The following STX8 variants were observed in gnomAD, a reference collection of about 807,000 sequenced individuals.
STX8 encodes syntaxin 8.
STX8 carries 23 observed loss-of-function variants against 37.5 expected under a neutral mutation model. The observed-to-expected ratio is 0.61, with a 90% CI of 0.44 to 0.87. STX8 has a LOEUF of 0.87. STX8 is among the 40% of genes least tolerant of loss of function. The pLI, the probability that STX8 is intolerant of heterozygous loss-of-function variation, is 0.00. For missense variants in STX8, 313 were observed against 284.7 expected (o/e 1.10, Z -0.71); for synonymous variants, 115 against 99.1 (o/e 1.16, Z -0.95).
chr17:9,483,942 G>A (rs1906462309), intron 6 of STX8, among the ~76,000 whole-genome samples: 1 of 152,094 alleles, frequency 6.6e-6, no homozygotes, highest in East Asian at 1.9e-4. Context: ...AGATATCTCC[G>A]TATGTCTGCC....
At chr17:9,282,413 C>T (rs1333490543) in intron 7 of STX8, among the ~76,000 whole-genome samples, 1 of 152,202 alleles carries the variant, frequency 6.6e-6, no homozygotes, top group African/African-American at 2.4e-5. Context: ...GGATTACAGG[C>T]GTGAGCCACT....
In STX8 at chr17:9,395,474, A is replaced by G. The variant is rs1597645202; in HGVS notation, c.542-16821T>C. ...GCACCTGTAATCCCATCTACTTGGGAGCCTGAGGCAAGAGAATCGCTTGAA... is the reference window on the plus strand; with the variant it reads ...GCACCTGTAATCCCATCTACTTGGGGGCCTGAGGCAAGAGAATCGCTTGAA... On this transcript the variant is annotated intron_variant, in intron 6 of 7. Transcript: ENST00000306357. 2.6e-5 allele frequency among the ~76,000 whole-genome samples: 4 copies of G among 152,138 alleles called. No homozygotes were observed. The East Asian group carries it at 7.7e-4, about 29-fold the overall frequency.
intron 7 of STX8, among the ~76,000 whole-genome samples, chr17:9,320,710 T>C (rs1909546077): frequency 1.3e-5 from 2 of 150,884 alleles, no homozygotes; most frequent in Non-Finnish European, 2.9e-5. Flanking sequence ...CTGGCTAACA[T>C]GGTGAAACCT....
intron 6 of STX8, among the ~76,000 whole-genome samples, chr17:9,465,716 A>T (rs918172062): frequency 6.6e-6 from 1 of 152,182 alleles, no homozygotes; most frequent in Non-Finnish European, 1.5e-5. Context: ...AACAACGACG[A>T]CAACAATAGC....
At chr17:9,333,422 C>G (rs918402246) in intron 7 of STX8, among the ~76,000 whole-genome samples, 1 of 152,186 alleles carries the variant, frequency 6.6e-6, no homozygotes, top group African/African-American at 2.4e-5. Flanking sequence ...GAGTCTTGCT[C>G]TGTCACCCAG....
chr17:9,263,394 G>A (rs1001409273), intron 7 of STX8, among the ~76,000 whole-genome samples: 10 of 151,314 alleles, frequency 6.6e-5, no homozygotes, highest in East Asian at 3.9e-4. Context: ...GCAGGAGATC[G>A]CTTGAACCTG....
Position 9,454,029 on chromosome 17 carries a change from T to C in STX8, c.541+37800A>G, listed in dbSNP as rs141717155. ...GAAGCGTTTATAAGAAACTATGTCATAAAGTTAAAGTGGAATGACTATATT... is the reference window on the plus strand; with the variant it reads ...GAAGCGTTTATAAGAAACTATGTCACAAAGTTAAAGTGGAATGACTATATT... On this transcript the variant is annotated intron_variant, in intron 6 of 7. Transcript: ENST00000306357. Among the ~76,000 whole-genome samples the C allele has an allele frequency of 4.3e-3, 662 of 152,228 alleles. 8 individuals are homozygous for C. The highest frequency in any genetic ancestry group is 0.015 in the African/African-American group (630 of 41,552).
At chr17:9,559,020 AC>A (rs1417704483) in intron 2 of STX8, among the ~76,000 whole-genome samples, 8 of 152,330 alleles carry the variant, frequency 5.3e-5, no homozygotes, top group Admixed American at 2.0e-4. Context: ...TATGAAAAAA[AC>A]ATCAAGTCAT....
intron 6 of STX8, among the ~76,000 whole-genome samples, chr17:9,477,493 T>TG (rs988848658): frequency 2.0e-5 from 3 of 151,952 alleles, no homozygotes; most frequent in African/African-American, 4.8e-5. Flanking sequence ...CACACTTGTG[T>TG]GGAAAAAAAA....
At chr17:9,449,510 G>T (rs539989708) in intron 6 of STX8, among the ~76,000 whole-genome samples, 20 of 152,252 alleles carry the variant, frequency 1.3e-4, no homozygotes, top group Non-Finnish European at 2.2e-4. Context: ...GCAGTGAGCC[G>T]AGATGGAGCC....
intron 6 of STX8, among the ~76,000 whole-genome samples, chr17:9,398,047 C>T (rs1016539718): frequency 3.3e-5 from 5 of 150,558 alleles, no homozygotes; most frequent in South Asian, 2.1e-4. Context: ...TACGTGAAGG[C>T]GAAGAGACAA....
chr17:9,426,963 A>T (rs1370021993), intron 6 of STX8, among the ~76,000 whole-genome samples: 3 of 152,086 alleles, frequency 2.0e-5, no homozygotes, highest in African/African-American at 4.8e-5. Flanking sequence ...AAGAGATAGA[A>T]AGATAGTCTG....
chr17:9,479,819 C>A (rs533025558), intron 6 of STX8, among the ~76,000 whole-genome samples: 1 of 144,206 alleles, frequency 6.9e-6, no homozygotes, highest in Non-Finnish European at 1.5e-5. Flanking sequence ...CCTGCCAGCT[C>A]TCCTGGCCCC....
At chr17:9,274,678 A>AAATAATAAT (rs57248368) in intron 7 of STX8, among the ~76,000 whole-genome samples, 13,336 of 106,312 alleles carry the variant, frequency 0.13, 1,440 homozygotes, top group Non-Finnish European at 0.16. Flanking sequence ...TCTGTCTCAA[A>AAATAATAAT]AATAATAATA....
intron 6 of STX8, among the ~76,000 whole-genome samples, chr17:9,481,033 C>T (rs1040376753): frequency 1.3e-5 from 2 of 152,106 alleles, no homozygotes; most frequent in Admixed American, 1.3e-4. Flanking sequence ...TACAGGCACC[C>T]GCCACCACAC....
intron 6 of STX8, among the ~76,000 whole-genome samples, chr17:9,483,748 A>G (rs533413047): frequency 9.1e-4 from 138 of 152,172 alleles, no homozygotes; most frequent in Non-Finnish European, 1.7e-3. Context: ...GACTGACTCT[A>G]CGAATACAAT....
At chr17:9,318,581 C>A (rs1017973809) in intron 7 of STX8, among the ~76,000 whole-genome samples, 9 of 152,002 alleles carry the variant, frequency 5.9e-5, no homozygotes, top group Non-Finnish European at 1.2e-4. Flanking sequence ...ACGAACAATA[C>A]GGCAGTAACA....
chr17:9,378,720 G>T, intron 6 of STX8, 67 bp from the exon 7 acceptor site: 1 of 1,207,878 alleles, frequency 8.3e-7, no homozygotes, highest in Non-Finnish European at 1.2e-6. Context: ...TATCACAGCT[G>T]TGGTTGTTCA....
intron 7 of STX8, among the ~76,000 whole-genome samples, chr17:9,338,848 G>T (rs1348276159): frequency 6.6e-6 from 1 of 151,970 alleles, no homozygotes; most frequent in Admixed American, 6.6e-5. Context: ...GAGGCGGGTG[G>T]ATCACAAGGT....
Sources: allele counts gnomAD v4.1 joint callset (sites outside exome capture counted in the v4.1 genomes callset), GRCh38; gene constraint gnomAD v4.1.1; transcripts MANE v1.5; gene names NCBI Gene and HGNC (gene_info 2026-07-23, HGNC 2026-07-21).